NUP43: variants seen among roughly 807,000 people sequenced by gnomAD.
The protein encoded by NUP43 is nucleoporin 43, also known as nucleoporin Nup43.
NUP43 carries 32 observed loss-of-function variants against 47.3 expected under a neutral mutation model. The observed-to-expected ratio is 0.68, with a 90% CI of 0.51 to 0.91. The LOEUF (loss-of-function observed/expected upper bound fraction) is 0.91, where lower values mean the gene tolerates loss of function less well. Ranked by LOEUF, NUP43 falls within the 40% of genes least tolerant of loss-of-function variation. The probability of loss-of-function intolerance (pLI) is 0.00; values close to 1 mark genes in which losing one functional copy is unlikely to be tolerated. For synonymous variants in NUP43, 147 were observed against 158.4 expected (o/e 0.93, Z 0.54); for missense variants, 444 against 453.9 (o/e 0.98, Z 0.20).
At chr6:149,728,346 A>C in intron 7 of NUP43, 1 of 985,092 alleles carries the variant, frequency 1.0e-6, no homozygotes, top group East Asian at 1.1e-4. Flanking sequence ...CTGTGCGGTT[A>C]GGGGAGGAAG....
chr6:149,733,985 C>T (rs529623123), intron 6 of NUP43, among the ~76,000 whole-genome samples: 11 of 151,920 alleles, frequency 7.2e-5, no homozygotes, highest in East Asian at 1.9e-4. Flanking sequence ...CCACCACGCC[C>T]GGCTAATTTT....
At position 149,736,638 on chromosome 6, in the gene NUP43, A is replaced by C; in HGVS notation, c.639-16T>G. The C allele has an allele frequency of 1.9e-6, 3 of 1,565,376 alleles. No individual in the cohort carries two copies. The highest frequency in any genetic ancestry group is 3.4e-4 in the Middle Eastern group (2 of 5,884). ...GTCACCAGTCCTTTTGTGGGAGATAACAATGACGTCAAAATCAAATAAAGT... is the reference window on the plus strand; with the variant it reads ...GTCACCAGTCCTTTTGTGGGAGATACCAATGACGTCAAAATCAAATAAAGT... On this transcript the variant is annotated splice_polypyrimidine_tract_variant and intron_variant, in intron 5 of 7. Transcript: ENST00000340413.
intron 4 of NUP43, among the ~76,000 whole-genome samples, chr6:149,741,687 A>C (rs1226701526): frequency 2.0e-5 from 3 of 150,468 alleles, no homozygotes; most frequent in African/African-American, 4.9e-5. Context: ...TGTTATTTTC[A>C]GTAGAGACGG....
intron 4 of NUP43, among the ~76,000 whole-genome samples, chr6:149,740,275 C>CAAAAAAAAAA: frequency 4.5e-5 from 1 of 22,446 alleles, no homozygotes; most frequent in Non-Finnish European, 7.3e-5. Flanking sequence ...GACCCTGTCT[C>CAAAAAAAAAA]AAAAAAAAAA....
intron 6 of NUP43, among the ~76,000 whole-genome samples, chr6:149,734,003 T>C (rs1246677238): frequency 6.6e-6 from 1 of 151,848 alleles, no homozygotes; most frequent in Admixed American, 6.6e-5. Flanking sequence ...TTTGTATTTT[T>C]AGTAGCGACG....
At chr6:149,735,590 C>T (rs545608469) in intron 6 of NUP43, among the ~76,000 whole-genome samples, 87 of 109,954 alleles carry the variant, frequency 7.9e-4, no homozygotes, top group African/African-American at 3.7e-3. Flanking sequence ...AGAGAGAGAC[C>T]CTGTCTCCAA....
chr6:149,736,916 C>G (rs1785394542), intron 5 of NUP43, among the ~76,000 whole-genome samples: 1 of 151,906 alleles, frequency 6.6e-6, no homozygotes, highest in South Asian at 2.1e-4. Flanking sequence ...CTCAAACTCC[C>G]AGGCTCCAGT....
At chr6:149,727,372 G>A in intron 7 of NUP43, 174 bp from the exon 8 acceptor site, 1 of 983,396 alleles carries the variant, frequency 1.0e-6, no homozygotes, top group Non-Finnish European at 1.2e-6. Flanking sequence ...GGCTTATTCA[G>A]TGATATTAAA....
intron 5 of NUP43, 147 bp from the exon 6 acceptor site, chr6:149,736,769 G>T: frequency 1.6e-6 from 1 of 631,144 alleles, no homozygotes; most frequent in South Asian, 2.4e-5. Flanking sequence ...GCTTACTGTA[G>T]GCTCAAACTC....
intron 6 of NUP43, among the ~76,000 whole-genome samples, chr6:149,732,882 AC>A: frequency 6.6e-6 from 1 of 151,608 alleles, no homozygotes; most frequent in Non-Finnish European, 1.5e-5. Context: ...AAAACATTTA[AC>A]CCTATTACTT....
At chr6:149,729,493 G>T in intron 7 of NUP43, 1 of 983,304 alleles carries the variant, frequency 1.0e-6, no homozygotes, top group Non-Finnish European at 1.2e-6. Flanking sequence ...GGTAGTTTCA[G>T]CCTGGTTGAG....
At chr6:149,746,607 G>A (rs779378866), upstream of NUP43, 2 of 1,608,112 alleles carry the variant, frequency 1.2e-6, no homozygotes, top group South Asian at 1.1e-5. Flanking sequence ...GGAGACGGTG[G>A]CTGCAGAGAG....
At chr6:149,743,585 A>G in intron 3 of NUP43, 53 bp downstream of exon 3, 1 of 1,204,854 alleles carries the variant, frequency 8.3e-7, no homozygotes, top group South Asian at 1.3e-5. Context: ...CAACAAGAGC[A>G]AAACTCCATT....
intron 1 of NUP43, 152 bp downstream of exon 1, chr6:149,746,224 G>C: frequency 2.3e-6 from 3 of 1,333,200 alleles, no homozygotes; most frequent in Non-Finnish European, 3.1e-6. Flanking sequence ...CACCGGCTCT[G>C]AGCTACGGAG....
At chr6:149,727,537 G>T (rs1784845023) in intron 7 of NUP43, 1 of 982,038 alleles carries the variant, frequency 1.0e-6, no homozygotes, top group African/African-American at 1.8e-5. Flanking sequence ...AGAAAAAAAA[G>T]AAACCAAAAA....
intron 3 of NUP43, among the ~76,000 whole-genome samples, chr6:149,743,214 TA>T (rs1368030656): frequency 1.3e-5 from 2 of 151,078 alleles, no homozygotes; most frequent in African/African-American, 4.9e-5. Flanking sequence ...ATAAAATAAA[TA>T]AAATATTAAT....
chr6:149,733,686 T>TCC (rs1227844232), intron 6 of NUP43, among the ~76,000 whole-genome samples: 1 of 151,876 alleles, frequency 6.6e-6, no homozygotes, highest in East Asian at 1.9e-4. Flanking sequence ...GCTCAAGAGA[T>TCC]CTGTTTGCCT....
upstream of NUP43, among the ~76,000 whole-genome samples, chr6:149,747,804 G>T (rs1485268269): frequency 6.6e-6 from 1 of 152,068 alleles, no homozygotes; most frequent in South Asian, 2.1e-4. Flanking sequence ...TGTGATATTG[G>T]TAGTCCTACT....
At chr6:149,736,695 G>A (rs1329569256) in intron 5 of NUP43, 73 bp from the exon 6 acceptor site, 16 of 1,376,350 alleles carry the variant, frequency 1.2e-5, no homozygotes, top group Admixed American at 1.9e-5. Context: ...CAGGAAACAC[G>A]TTTTTTGTTT....
Sources: allele counts gnomAD v4.1 joint callset (sites outside exome capture counted in the v4.1 genomes callset), GRCh38; gene constraint gnomAD v4.1.1; transcripts MANE v1.5; gene names NCBI Gene and HGNC (gene_info 2026-07-23, HGNC 2026-07-21).